LRRC63: variants seen among roughly 807,000 people sequenced by gnomAD.
LRRC63 encodes the protein leucine rich repeat containing 63.
LRRC63 carries 40 observed loss-of-function variants against 49.5 expected under a neutral mutation model. That is an observed-to-expected ratio of 0.81 (90% CI 0.63 to 1.05). The LOEUF (loss-of-function observed/expected upper bound fraction) is 1.05. LRRC63 is among the 50% of genes least tolerant of loss of function. The probability of loss-of-function intolerance (pLI) is 0.00; values close to 1 mark genes in which losing one functional copy is unlikely to be tolerated. For synonymous variants in LRRC63, 191 were observed against 221.1 expected (o/e 0.86, Z 1.21); for missense variants, 636 against 663.1 (o/e 0.96, Z 0.45).
At chr13:46,233,917 A>C (rs2046833433) in intron 4 of LRRC63, among the ~76,000 whole-genome samples, 1 of 152,354 alleles carries the variant, frequency 6.6e-6, no homozygotes, top group South Asian at 2.1e-4. Flanking sequence ...ATATTGATGG[A>C]ATCTAAATTA....
At chr13:46,230,512 T>C (rs114224629) in intron 4 of LRRC63, among the ~76,000 whole-genome samples, 2,000 of 152,230 alleles carry the variant, frequency 0.013, 46 homozygotes, top group African/African-American at 0.045. Flanking sequence ...AGTCTATGGC[T>C]AAAGGCCCGA....
intron 8 of LRRC63, among the ~76,000 whole-genome samples, chr13:46,265,777 C>T (rs1203781269): frequency 6.6e-6 from 1 of 152,222 alleles, no homozygotes; most frequent in Non-Finnish European, 1.5e-5. Flanking sequence ...CCAGCTCTCT[C>T]ATTCAGGACT....
intron 2 of LRRC63, among the ~76,000 whole-genome samples, chr13:46,218,287 G>A (rs1469521617): frequency 2.6e-5 from 4 of 152,188 alleles, no homozygotes; most frequent in Non-Finnish European, 5.9e-5. Flanking sequence ...AGGTGCTCCT[G>A]TATTGGGTAT....
At chr13:46,256,785 G>A (rs1391729067) in intron 7 of LRRC63, among the ~76,000 whole-genome samples, 1 of 152,164 alleles carries the variant, frequency 6.6e-6, no homozygotes, top group East Asian at 1.9e-4. Context: ...ACTTTGAGTT[G>A]ATGCTGTAAA....
intron 7 of LRRC63, among the ~76,000 whole-genome samples, chr13:46,250,914 C>T (rs2138526821): frequency 6.6e-6 from 1 of 151,918 alleles, no homozygotes; most frequent in South Asian, 2.1e-4. Context: ...GCCTCAATTT[C>T]CTAATCTGTA....
intron 9 of LRRC63, among the ~76,000 whole-genome samples, chr13:46,269,727 G>T (rs955776490): frequency 6.7e-6 from 1 of 149,794 alleles, no homozygotes. Context: ...TACTATCAAT[G>T]AAATTAAAAG....
At chr13:46,255,645 A>AAAAAAAAAAAAAAAAAAATATAT (rs1555328641) in intron 7 of LRRC63, among the ~76,000 whole-genome samples, 1 of 129,468 alleles carries the variant, frequency 7.7e-6, no homozygotes, top group African/African-American at 2.9e-5. Context: ...CCCTGCCTCA[A>AAAAAAAAAAAAAAAAAAATATAT]ATATATATAT....
At chr13:46,265,189 T>C (rs899229775) in intron 8 of LRRC63, among the ~76,000 whole-genome samples, 3 of 151,702 alleles carry the variant, frequency 2.0e-5, no homozygotes, top group African/African-American at 7.3e-5. Flanking sequence ...CCTGCCTAGC[T>C]CTCTTAGAAC....
intron 4 of LRRC63, among the ~76,000 whole-genome samples, chr13:46,232,295 TA>T (rs1237249905): frequency 6.6e-6 from 1 of 152,180 alleles, no homozygotes; most frequent in Non-Finnish European, 1.5e-5. Context: ...ACAGTCTCTT[TA>T]AAAAAATCTT....
intron 8 of LRRC63, among the ~76,000 whole-genome samples, chr13:46,262,449 G>T (rs572444755): frequency 1.3e-5 from 2 of 152,176 alleles, no homozygotes; most frequent in South Asian, 4.1e-4. Context: ...TTAATAACTA[G>T]TAGGGAGATT....
At chr13:46,228,611 A>C (rs966597704) in intron 3 of LRRC63, 54 bp from the exon 4 acceptor site, 1 of 1,050,640 alleles carries the variant, frequency 9.5e-7, no homozygotes, top group Non-Finnish European at 1.4e-6. Context: ...TAAAACCCTC[A>C]AGTGAATTTT....
rs552007450 is a variant in LRRC63, at chr13:46,220,314, G to C, written c.85+7195G>C. ...TCAGAGATGCCCTGCCCAGAGAGGA[G>C]GAATCTAGAGAGGCAGTCTGGCTAC... On this transcript the variant is annotated intron_variant, in intron 2 of 9. Transcript: ENST00000595396. 4.6e-5 allele frequency among the ~76,000 whole-genome samples: 7 copies of C among 152,336 alleles called. No individual in the cohort carries two copies. In the South Asian group the frequency reaches 1.2e-3, roughly 27 times the overall value.
Position 46,213,131 on chromosome 13 carries a change from A to C in LRRC63, c.85+12A>C, listed in dbSNP as rs1420467063. The C allele has an allele frequency of 6.8e-7, 1 of 1,470,342 alleles. No individual in the cohort carries two copies. The allele number at this position is 1,470,342 out of a possible 1,614,324, so 91.1% of individuals were successfully genotyped here. On this transcript the variant is annotated intron_variant, in intron 2 of 9. Transcript: ENST00000595396. ...AAAAACCCATACAGGTATGTGTATT[A>C]ATCAGATATGTGTATTAACATTTAT...
chr13:46,264,999 A>C (rs962250768), intron 8 of LRRC63, among the ~76,000 whole-genome samples: 2 of 152,132 alleles, frequency 1.3e-5, no homozygotes, highest in Non-Finnish European at 2.9e-5. Context: ...TCTACTAAAA[A>C]GACGAAAATT....
chr13:46,258,013 A>T (rs1291764097), intron 7 of LRRC63, among the ~76,000 whole-genome samples: 1 of 151,912 alleles, frequency 6.6e-6, no homozygotes, highest in African/African-American at 2.4e-5. Flanking sequence ...TCCTAACAAG[A>T]TCTTTCTAGT....
At chr13:46,227,809 T>C (rs1284999958) in exon 3 of LRRC63, 9 of 1,550,040 alleles carry the variant, frequency 5.8e-6, no homozygotes, top group Non-Finnish European at 7.8e-6. Flanking sequence ...ACAAACAAAA[T>C]GGAAAGTTCA....
At chr13:46,269,787 A>T (rs1336806818) in intron 9 of LRRC63, among the ~76,000 whole-genome samples, 1 of 148,106 alleles carries the variant, frequency 6.8e-6, no homozygotes, top group African/African-American at 2.5e-5. Flanking sequence ...ATAGTTGAAT[A>T]ATATATATAT....
chr13:46,244,219 G>T (rs541514261), intron 5 of LRRC63, among the ~76,000 whole-genome samples: 5 of 152,230 alleles, frequency 3.3e-5, no homozygotes, highest in East Asian at 3.9e-4. Flanking sequence ...AGTACAAAAG[G>T]TTGGAAGGGG....
rs183709071 is a variant in LRRC63 at position 46,259,921 on chromosome 13, G to T, written c.1227-1988G>T. 3.3e-5 allele frequency among the ~76,000 whole-genome samples: 5 copies of T among 152,182 alleles called. No individual in the cohort carries two copies. The East Asian group carries it at 9.6e-4, about 29-fold the overall frequency. On this transcript the variant is annotated intron_variant, in intron 7 of 9. Transcript: ENST00000595396. Reference sequence around the variant, plus strand: ...AGCTAACAGTAGGGCTCTAGTTTAGGCAGCTCATTGGCCAATAATTTGCTA... The same window carrying T: ...AGCTAACAGTAGGGCTCTAGTTTAGTCAGCTCATTGGCCAATAATTTGCTA...
Sources: gnomAD v4.1 joint callset for allele counts (sites outside exome capture counted in the v4.1 genomes callset) on GRCh38, gnomAD v4.1.1 for gene constraint, MANE v1.5 for transcripts, NCBI Gene and HGNC (gene_info 2026-07-23, HGNC 2026-07-21) for gene names.